Variants in MRPS15 observed in about 807,000 individuals in gnomAD.
The protein encoded by MRPS15 is small ribosomal subunit protein uS15m.
Under a neutral mutation model 30.7 loss-of-function variants are expected in MRPS15, and 25 were observed. The ratio of observed to expected loss-of-function variants is 0.81; its 90% CI spans 0.59 to 1.14. The LOEUF (loss-of-function observed/expected upper bound fraction) is 1.14, where lower values mean the gene tolerates loss of function less well. MRPS15 is among the 50% of genes most tolerant of loss of function. The pLI is 0.00. For missense variants in MRPS15, 313 were observed against 321.7 expected, an observed-to-expected ratio of 0.97 and a Z score of 0.21; for synonymous variants, 124 against 120.1, an observed-to-expected ratio of 1.03 and a Z score of -0.21.
chr1:36,456,591 A>C (rs1649999969), intron 6 of MRPS15: 1 of 527,560 alleles, frequency 1.9e-6, no homozygotes, highest in Admixed American at 3.7e-5. Flanking sequence ...AAAGGTCTTT[A>C]GAACTGTGAG....
Position 36,455,783 on chromosome 1 carries a change from A to T in MRPS15, c.*5T>A, listed in dbSNP as rs745468951. 8 of 1,612,984 alleles carry T rather than the reference A, an allele frequency of 5.0e-6. No homozygotes were observed. The highest frequency in any genetic ancestry group is 1.7e-5 in the Admixed American group (1 of 59,638). ...TCAAGACAGAAAGAAATGATTGAAC[A>T]GAATTTATTGGCTGTCTTTGAGTGT... is the stretch of plus-strand genomic sequence containing the variant. On this transcript the variant is annotated 3_prime_UTR_variant, in exon 8 of 8. Transcript: ENST00000373116.
chr1:36,458,922 A>G lies in MRPS15; in HGVS notation c.386-941T>C, dbSNP rs2124080012. On this transcript the variant is annotated intron_variant, in intron 5 of 7. Transcript: ENST00000373116. The surrounding 1 kb of genome is among the most constrained non-coding windows in gnomAD (Gnocchi z 4.5). ...CCAGTACATACTGAGTTCTGGGAGC[A>G]CTGCAGAAAGTGCAGTGGGAACCCT... 6.6e-6 allele frequency: 1 copy of G among 152,380 alleles called. No individual in the cohort carries two copies. The highest frequency in any genetic ancestry group is 1.5e-5 in the Non-Finnish European group (1 of 68,052). 9.4% of individuals were successfully genotyped at this position (152,380 alleles called of 1,614,324 possible).
At chr1:36,456,150 G>T in intron 7 of MRPS15, 37 bp downstream of exon 7, 1 of 1,575,976 alleles carries the variant, frequency 6.3e-7, no homozygotes, top group Non-Finnish European at 8.6e-7. Context: ...CCCAGTCCCT[G>T]AGTGGGGCCA....
intron 1 of MRPS15, 48 bp from the exon 2 acceptor site, chr1:36,463,898 C>A (rs1389613477): frequency 8.2e-6 from 13 of 1,583,268 alleles, no homozygotes; most frequent in African/African-American, 1.4e-5. Flanking sequence ...AATAGCCCAC[C>A]CCTCAGTTCC....
At position 36,458,039 on chromosome 1, in the gene MRPS15, C is replaced by A. The variant is rs1650031470; in HGVS notation, c.386-58G>T. On this transcript the variant is annotated intron_variant, in intron 5 of 7. Coordinates refer to ENST00000373116, the MANE Select transcript of MRPS15 (RefSeq NM_031280.4). The surrounding 1 kb of genome is among the most constrained non-coding windows in gnomAD (Gnocchi z 4.5). ...GGCACAGAGGAAGGAAGGGCCCAGG[C>A]CTGGTTTACGTTTTAAGAACTCAAG... 6.7e-7 allele frequency: 1 copy of A among 1,486,746 alleles called. No homozygotes were observed. Among genetic ancestry groups the A allele is most frequent in the Admixed American group, 1.7e-5 (1 of 59,850 alleles). 92.1% of individuals were successfully genotyped at this position (1,486,746 alleles called of 1,614,324 possible).
At chr1:36,459,641 T>A (rs905308253) in intron 5 of MRPS15, 3 of 152,204 alleles carry the variant, frequency 2.0e-5, no homozygotes. Flanking sequence ...GACCCTTGAG[T>A]CCAGTTCTCA....
chr1:36,456,004 A>G (rs942960381), intron 7 of MRPS15, 79 bp from the exon 8 acceptor site: 2 of 1,557,586 alleles, frequency 1.3e-6, no homozygotes, highest in African/African-American at 1.4e-5. Context: ...GATGGGAACT[A>G]TTTCCCCCAG....
intron 4 of MRPS15, 137 bp downstream of exon 4, chr1:36,461,127 T>C: frequency 2.3e-6 from 2 of 860,616 alleles, no homozygotes; most frequent in Non-Finnish European, 2.0e-6. Context: ...TCTAGGGATA[T>C]TGACAAATGG....
chr1:36,460,058 G>T (rs751930229), intron 5 of MRPS15, among the ~76,000 whole-genome samples: 2 of 152,134 alleles, frequency 1.3e-5, no homozygotes, highest in Non-Finnish European at 2.9e-5. Flanking sequence ...TTGCCCAGGC[G>T]AGAGTGCAGT....
intron 3 of MRPS15, 31 bp downstream of exon 3, chr1:36,462,057 T>C (rs934315546): frequency 2.5e-6 from 4 of 1,590,818 alleles, no homozygotes; most frequent in African/African-American, 1.3e-5. Flanking sequence ...CAGGGCCCCC[T>C]GCCTCCTCTA....
intron 2 of MRPS15, among the ~76,000 whole-genome samples, chr1:36,463,500 C>A (rs1650138441): frequency 6.6e-6 from 1 of 152,214 alleles, no homozygotes; most frequent in African/African-American, 2.4e-5. Context: ...CATCCTGCAT[C>A]TCAGAAGCGC....
Position 36,456,189 on chromosome 1 carries a change from G to A in MRPS15, c.634C>T (p.Arg212Trp), listed in dbSNP as rs370182087. 6.2e-6 allele frequency: 10 copies of A among 1,605,272 alleles called. No individual in the cohort carries two copies. Among genetic ancestry groups the A allele is most frequent in the African/African-American group, 4.0e-5 (3 of 74,702 alleles). ...RFVTKKALCI[R>W]VFQETQKLKK... Reference sequence around the variant, plus strand: ...AAAGCCGCAATTCTGACTCGTACCCGAATGCACAGAGCCTTCTTGGTCACG... The same window carrying A: ...AAAGCCGCAATTCTGACTCGTACCCAAATGCACAGAGCCTTCTTGGTCACG... Residue 212 changes from arginine (R) to tryptophan (W), a missense_variant and splice_region_variant, in exon 7 of 8, where the codon CGG (arginine) becomes TGG (tryptophan). Arg to Trp is a moderately radical substitution (Grantham distance 101). Transcript: ENST00000373116.
chr1:36,461,960 G>T, intron 3 of MRPS15, 128 bp downstream of exon 3: 1 of 748,216 alleles, frequency 1.3e-6, no homozygotes, highest in African/African-American at 1.8e-5. Flanking sequence ...TGGACACCTG[G>T]GCCCCTGCCT....
intron 2 of MRPS15, 137 bp downstream of exon 2, chr1:36,463,669 T>C (rs147408894): frequency 2.4e-5 from 23 of 972,186 alleles, no homozygotes; most frequent in Non-Finnish European, 3.5e-5. Flanking sequence ...TTGTGTAAGG[T>C]GGACGTGGGG....
At chr1:36,463,066 G>A (rs974470576) in intron 2 of MRPS15, among the ~76,000 whole-genome samples, 1 of 152,060 alleles carries the variant, frequency 6.6e-6, no homozygotes, top group Non-Finnish European at 1.5e-5. Flanking sequence ...AGGTTCAAGC[G>A]ATTCTCCTGC....
At chr1:36,464,118 C>A in intron 1 of MRPS15, 28 bp downstream of exon 1, 2 of 1,586,630 alleles carry the variant, frequency 1.3e-6, no homozygotes, top group Non-Finnish European at 1.7e-6. Context: ...TTTCCCTACG[C>A]CCGCCGTCCC....
At position 36,458,090 on chromosome 1, in the gene MRPS15, C is replaced by G. The variant is rs1650032017; in HGVS notation, c.386-109G>C. 2.3e-6 allele frequency: 2 copies of G among 866,408 alleles called. No homozygotes were observed. Among genetic ancestry groups the G allele is most frequent in the African/African-American group, 3.3e-5 (2 of 59,908 alleles). The allele number at this position is 866,408 out of a possible 1,614,324, so 53.7% of individuals were successfully genotyped here. A position where few individuals can be genotyped will look rare whatever the true frequency, so the allele number is the denominator to read the frequency against. ...GAATAACAATCACCAATGCTCTGTA[C>G]AGCTCTCTATAAATCCCAAATCACT... On this transcript the variant is annotated intron_variant, in intron 5 of 7. Transcript: ENST00000373116. The surrounding 1 kb of genome is among the most constrained non-coding windows in gnomAD (Gnocchi z 4.5).
chr1:36,456,512 G>T, intron 6 of MRPS15, 134 bp from the exon 7 acceptor site: 1 of 835,320 alleles, frequency 1.2e-6, no homozygotes, highest in Non-Finnish European at 1.8e-6. Flanking sequence ...TTCTGAAGGA[G>T]GTATTATCAT....
At chr1:36,460,421 C>T (rs1650072544) in intron 5 of MRPS15, among the ~76,000 whole-genome samples, 1 of 152,240 alleles carries the variant, frequency 6.6e-6, no homozygotes, top group African/African-American at 2.4e-5. Flanking sequence ...CTGCTCTGCT[C>T]TCCCTTATTC....
Sources: gnomAD v4.1 joint callset for allele counts (sites outside exome capture counted in the v4.1 genomes callset) on GRCh38, gnomAD v4.1.1 for gene constraint, Gnocchi (gnomAD v3.1) non-coding constraint, MANE v1.5 for transcripts, NCBI Gene and HGNC (gene_info 2026-07-23, HGNC 2026-07-21) for gene names.